VPS13D: variants seen among roughly 807,000 people sequenced by gnomAD.
VPS13D encodes intermembrane lipid transfer protein VPS13D.
VPS13D carries 187 observed loss-of-function variants against 461.9 expected under a neutral mutation model. The ratio of observed to expected loss-of-function variants is 0.40; its 90% CI spans 0.36 to 0.46. The LOEUF is 0.46. VPS13D is among the 20% of genes least tolerant of loss of function. VPS13D has a pLI of 0.60. For synonymous variants in VPS13D, 1,951 were observed against 1,986.3 expected, an observed-to-expected ratio of 0.98 and a Z score of 0.47; for missense variants, 4,711 against 5,364.9, an observed-to-expected ratio of 0.88 and a Z score of 3.81.
At position 12,261,009 on chromosome 1, in the gene VPS13D, G is replaced by A; in HGVS notation, c.1274G>A (p.Gly425Glu). Residue 425 changes from glycine (G) to glutamate (E), a missense_variant, in exon 12 of 70, where the codon GGA becomes GAA. Gly to Glu is a moderately conservative substitution (Grantham distance 98, BLOSUM62 -2). Around this residue, in one of 3 missense-constraint regions of VPS13D, gnomAD observed 4,411 missense variants for 4,937.8 expected, o/e 0.89. Transcript: ENST00000620676. ...GACPGAPEPG[G>E]GSGMLQYLQS... ...TGTCCGGGAGCCCCAGAACCCGGTG[G>A]AGGCAGTGGGATGCTGCAGTATCTC... 6.2e-7 allele frequency: 1 copy of A among 1,613,976 alleles called. No homozygotes were observed. The highest frequency in any genetic ancestry group is 8.5e-7 in the Non-Finnish European group (1 of 1,180,026).
At chr1:12,248,325 G>GTTATTATTA (rs753982925) in intron 5 of VPS13D, among the ~76,000 whole-genome samples, 2 of 150,726 alleles carry the variant, frequency 1.3e-5, no homozygotes, top group African/African-American at 2.4e-5. Context: ...TTTACTTTCT[G>GTTATTATTA]TTATTATTAT....
intron 67 of VPS13D, among the ~76,000 whole-genome samples, chr1:12,477,722 C>G (rs1645652168): frequency 6.6e-6 from 1 of 152,208 alleles, no homozygotes; most frequent in Non-Finnish European, 1.5e-5. Context: ...CACTTCCCTC[C>G]TGTGCACACA....
intron 40 of VPS13D, among the ~76,000 whole-genome samples, chr1:12,339,751 T>C (rs1005706530): frequency 6.6e-6 from 1 of 152,218 alleles, no homozygotes; most frequent in Non-Finnish European, 1.5e-5. Context: ...AAATGGGTTA[T>C]TGAAGCCTGT....
intron 6 of VPS13D, among the ~76,000 whole-genome samples, chr1:12,251,994 G>A (rs1383389065): frequency 6.6e-6 from 1 of 152,132 alleles, no homozygotes; most frequent in East Asian, 1.9e-4. Flanking sequence ...TCCTTGTCTA[G>A]TGGCTGCTGA....
At chr1:12,249,189 T>C in intron 5 of VPS13D, 34 bp from the exon 6 acceptor site, 1 of 1,498,586 alleles carries the variant, frequency 6.7e-7, no homozygotes, top group Non-Finnish European at 9.3e-7. Context: ...ATTCTGCAGG[T>C]GCATCAGCTG....
At chr1:12,440,356 G>A (rs1037667219) in intron 65 of VPS13D, among the ~76,000 whole-genome samples, 1 of 152,176 alleles carries the variant, frequency 6.6e-6, no homozygotes, top group African/African-American at 2.4e-5. Flanking sequence ...AAAAGATATG[G>A]CTGTAGAGGG....
chr1:12,474,548 C>T (rs988787436), intron 67 of VPS13D, among the ~76,000 whole-genome samples: 1 of 152,090 alleles, frequency 6.6e-6, no homozygotes, highest in African/African-American at 2.4e-5. Context: ...TCTTTCATTT[C>T]TAGCTAAGTC....
intron 1 of VPS13D, among the ~76,000 whole-genome samples, chr1:12,233,362 A>G (rs1481729013): frequency 6.6e-6 from 1 of 152,162 alleles, no homozygotes; most frequent in East Asian, 1.9e-4. Context: ...TTAATCTAGG[A>G]TAAGGTTTCT....
intron 37 of VPS13D, among the ~76,000 whole-genome samples, chr1:12,332,305 T>C (rs2101556671): frequency 6.6e-6 from 1 of 152,388 alleles, no homozygotes; most frequent in South Asian, 2.1e-4. Flanking sequence ...CAAGTGAATG[T>C]CTTTCAGAAG....
rs1220931985 is a variant in VPS13D at position 12,348,708 on chromosome 1, T to G, written c.9070-115T>G. 2.2e-5 allele frequency: 28 copies of G among 1,292,760 alleles called. No homozygotes were observed. In the Admixed American group the frequency reaches 2.9e-4, roughly 13 times the overall value. The allele number at this position is 1,292,760 out of a possible 1,614,324, so 80.1% of individuals were successfully genotyped here. On this transcript the variant is annotated intron_variant, in intron 44 of 69. Coordinates refer to ENST00000620676, the MANE Select transcript of VPS13D (RefSeq NM_015378.4). ...TTTAGGGTTTTATGACTGATTTCACTGAAGAACTATAGTAGTAATAAGACA... is the reference window on the plus strand; with the variant it reads ...TTTAGGGTTTTATGACTGATTTCACGGAAGAACTATAGTAGTAATAAGACA...
At chr1:12,353,761 G>A (rs1201224901) in intron 46 of VPS13D, among the ~76,000 whole-genome samples, 2 of 152,112 alleles carry the variant, frequency 1.3e-5, no homozygotes, top group East Asian at 1.9e-4. Context: ...TTATAGAGGT[G>A]TGTATAATTG....
rs1395637452 is a variant in VPS13D, at chr1:12,308,560, C to T, written c.6569C>T (p.Ser2190Phe). Residue 2190 changes from serine (S) to phenylalanine (F), a missense_variant, in exon 27 of 70, where the codon TCC becomes TTC. Around this residue, in one of 3 missense-constraint regions of VPS13D, gnomAD observed 4,411 missense variants for 4,937.8 expected, o/e 0.89. Transcript: ENST00000620676. ...EDSSGDLIFP[S>F]YFVRQTGGSL... Reference sequence around the variant, plus strand: ...AGTAGTGGAGATCTGATCTTCCCTTCCTATTTTGTGCGACAGACAGGAGGA... The same window carrying T: ...AGTAGTGGAGATCTGATCTTCCCTTTCTATTTTGTGCGACAGACAGGAGGA... 2 of 1,613,828 alleles carry T rather than the reference C, an allele frequency of 1.2e-6. No individual in the cohort carries two copies. The highest frequency in any genetic ancestry group is 1.1e-5 in the South Asian group (1 of 91,068).
Position 12,253,825 on chromosome 1 carries a change from A to G in VPS13D, c.668A>G (p.Gln223Arg). ...GGGGATTTGCCTCAGATGGAGTTAC[A>G]GGTACGATTTCGGCAGGGAGATTTG... is the stretch of plus-strand genomic sequence containing the variant. ...LLGDLPQMEL[Q>R]EAMARSMESR... Residue 223 changes from glutamine (Q) to arginine (R), a missense_variant and splice_region_variant, in exon 7 of 70, where the codon CAG becomes CGG. Physicochemically the swap from Gln to Arg is conservative, Grantham distance 43. Around this residue, in one of 3 missense-constraint regions of VPS13D, gnomAD observed 4,411 missense variants for 4,937.8 expected, o/e 0.89. Transcript: ENST00000620676. 6.2e-7 allele frequency: 1 copy of G among 1,613,498 alleles called. No homozygotes were observed. Among genetic ancestry groups the G allele is most frequent in the African/African-American group, 1.3e-5 (1 of 75,046 alleles).
Position 12,503,248 on chromosome 1 carries a change from C to T in VPS13D, c.12795-3605C>T, listed in dbSNP as rs375099305. Among the ~76,000 whole-genome samples the T allele has an allele frequency of 3.3e-5, 5 of 152,156 alleles. 1 individual carries two copies. The highest frequency in any genetic ancestry group is 3.9e-4 in the East Asian group (2 of 5,188). On this transcript the variant is annotated intron_variant, in intron 68 of 69. Coordinates refer to ENST00000620676, the MANE Select transcript of VPS13D (RefSeq NM_015378.4). The stretch of plus-strand genomic sequence containing the variant: ...AAAAGGGTGTAAGCTGGTGCTGCAG[C>T]CTTCCCTTCTCTCAGAAGAAACTTT...
chr1:12,266,919 T>G lies in VPS13D; in HGVS notation c.1633T>G (p.Ser545Ala). ...LLAESLPRRN[S>A]SLLSVRLGGL... ...AGCAGAGTCTCTTCCTCGAAGAAAT[T>G]CCTCGTTGCTTTCAGTCCGGTTGGG... Residue 545 changes from serine to alanine, a missense_variant, in exon 14 of 70, where the codon TCC (serine) becomes GCC (alanine). Physicochemically the swap from Ser to Ala is moderately conservative, Grantham distance 99. Around this residue, in one of 3 missense-constraint regions of VPS13D, gnomAD observed 4,411 missense variants for 4,937.8 expected, o/e 0.89. Transcript: ENST00000620676. 4 of 1,604,930 alleles carry G rather than the reference T, an allele frequency of 2.5e-6. No individual in the cohort carries two copies. The highest frequency in any genetic ancestry group is 3.4e-6 in the Non-Finnish European group (4 of 1,177,292).
rs1408920019 is a variant in VPS13D, at chr1:12,277,596, T to C, written c.4008T>C (p.Tyr1336=). ...TTVLATKTAE[Y]SEMVSLFETP... ...TACTAGCTACCAAGACTGCCGAGTA[T>C]AGCGAGATGGTATCGCTCTTTGAAA... Residue 1336 remains tyrosine (Y), a synonymous_variant, in exon 19 of 70, where the codon TAT becomes TAC. Transcript: ENST00000620676. 2 of 1,613,944 alleles carry C rather than the reference T, an allele frequency of 1.2e-6. No individual in the cohort carries two copies. The highest frequency in any genetic ancestry group is 1.7e-6 in the Non-Finnish European group (2 of 1,180,020).
At position 12,383,089 on chromosome 1, in the gene VPS13D, A is replaced by T; in HGVS notation, c.11304A>T (p.Lys3768Asn). Residue 3768 changes from lysine (K) to asparagine (N), a missense_variant, in exon 58 of 70, where the codon AAA becomes AAT. Coordinates refer to ENST00000620676, the MANE Select transcript of VPS13D (RefSeq NM_015378.4). Reference protein sequence around the residue: ...VPPEQQFINQKMRPGSGMLSI... With the variant: ...VPPEQQFINQNMRPGSGMLSI... ...CTGAACAACAATTTATTAATCAAAA[A>T]ATGAGACCTGGTTCTGGAATGTTAT... The T allele has an allele frequency of 1.2e-6, 2 of 1,614,184 alleles. No individual in the cohort carries two copies. The highest frequency in any genetic ancestry group is 8.5e-7 in the Non-Finnish European group (1 of 1,180,036).
At chr1:12,327,573 T>C (rs1643223869) in intron 35 of VPS13D, 75 bp from the exon 36 acceptor site, 4 of 1,496,182 alleles carry the variant, frequency 2.7e-6, no homozygotes, top group Middle Eastern at 1.8e-4. Context: ...GAATTTTATT[T>C]CTCTGTTTCC....
intron 5 of VPS13D, among the ~76,000 whole-genome samples, chr1:12,245,634 G>A (rs1640525812): frequency 6.6e-6 from 1 of 152,138 alleles, no homozygotes; most frequent in Admixed American, 6.5e-5. Context: ...TGGGGCAAGA[G>A]GATGACTTGA....
Sources: gnomAD v4.1 joint callset for allele counts (sites outside exome capture counted in the v4.1 genomes callset) on GRCh38, gnomAD v4.1.1 for gene constraint, gnomAD v4.1.1 regional missense constraint, MANE v1.5 for transcripts, NCBI Gene and HGNC (gene_info 2026-07-23, HGNC 2026-07-21) for gene names.